CDH18: variants seen among roughly 807,000 people sequenced by gnomAD.
CDH18 encodes cadherin 18.
CDH18 carries 31 observed loss-of-function variants against 67.9 expected under a neutral mutation model. That is an observed-to-expected ratio of 0.46 (90% confidence interval 0.34 to 0.62). The LOEUF (loss-of-function observed/expected upper bound fraction) is 0.62, where lower values mean the gene tolerates loss of function less well. CDH18 is among the 20% of genes least tolerant of loss of function. The pLI, the probability that CDH18 is intolerant of heterozygous loss-of-function variation, is 0.01. For synonymous variants in CDH18, 362 were observed against 347.2 expected (o/e 1.04, Z -0.48); for missense variants, 890 against 975.5 (o/e 0.91, Z 1.17).
At chr5:20,095,486 AGAGG>A (rs199942459) in intron 2 of CDH18, among the ~76,000 whole-genome samples, 47,601 of 110,214 alleles carry the variant, frequency 0.43, 11,273 homozygotes, top group Middle Eastern at 0.68. Context: ...AAGGAGAGAG[AGAGG>A]GAGGGAGGGA....
At chr5:19,622,112 A>G (rs1263682030) in intron 5 of CDH18, among the ~76,000 whole-genome samples, 1 of 152,218 alleles carries the variant, frequency 6.6e-6, no homozygotes, top group Admixed American at 6.5e-5. Context: ...AGACTTTGAA[A>G]GGATGTCTGT....
At chr5:19,938,438 C>T (rs1219315879) in intron 2 of CDH18, among the ~76,000 whole-genome samples, 2 of 151,406 alleles carry the variant, frequency 1.3e-5, no homozygotes, top group East Asian at 1.9e-4. Flanking sequence ...GACACCTTCT[C>T]ATAAAATGCA....
At chr5:19,793,448 G>A (rs1413681627) in intron 3 of CDH18, among the ~76,000 whole-genome samples, 1 of 152,044 alleles carries the variant, frequency 6.6e-6, no homozygotes, top group African/African-American at 2.4e-5. Flanking sequence ...CCAGAGCTAA[G>A]GTGATCATAA....
intron 2 of CDH18, among the ~76,000 whole-genome samples, chr5:19,924,429 G>A (rs1279744401): frequency 1.3e-5 from 2 of 152,096 alleles, no homozygotes; most frequent in East Asian, 1.9e-4. Flanking sequence ...CTGAGGTCAG[G>A]AGATCAAGAT....
intron 1 of CDH18, among the ~76,000 whole-genome samples, chr5:20,319,108 T>C (rs976616786): frequency 6.6e-6 from 1 of 152,192 alleles, no homozygotes; most frequent in Admixed American, 6.5e-5. Flanking sequence ...GCTATCATTT[T>C]CTGACTTCTA....
chr5:19,819,930 T>C (rs941484240), intron 3 of CDH18, among the ~76,000 whole-genome samples: 13 of 152,154 alleles, frequency 8.5e-5, no homozygotes, highest in African/African-American at 2.4e-4. Flanking sequence ...ACAGCCTCCA[T>C]TGCCCCAGCT....
chr5:20,342,437 C>T (rs994957786), intron 1 of CDH18, among the ~76,000 whole-genome samples: 3 of 152,118 alleles, frequency 2.0e-5, no homozygotes, highest in African/African-American at 4.8e-5. Context: ...GAGGCAGCTG[C>T]CAGGCAAGTT....
chr5:19,590,413 TAGA>T (rs1407748186), intron 7 of CDH18, among the ~76,000 whole-genome samples: 8 of 151,982 alleles, frequency 5.3e-5, no homozygotes, highest in Admixed American at 1.3e-4. Flanking sequence ...TTATAATTAC[TAGA>T]AGAAGAATTA....
intron 2 of CDH18, among the ~76,000 whole-genome samples, chr5:20,185,321 T>C (rs1223585110): frequency 6.6e-6 from 1 of 152,056 alleles, no homozygotes; most frequent in Non-Finnish European, 1.5e-5. Flanking sequence ...GATCAATCTG[T>C]ATGCAGCCTT....
chr5:19,782,473 G>T (rs1053149821), intron 3 of CDH18, among the ~76,000 whole-genome samples: 1 of 152,054 alleles, frequency 6.6e-6, no homozygotes, highest in Non-Finnish European at 1.5e-5. Flanking sequence ...TAAGGCAAAA[G>T]GGATTTTCCT....
At chr5:19,932,627 T>C (rs999677502) in intron 2 of CDH18, among the ~76,000 whole-genome samples, 7 of 151,778 alleles carry the variant, frequency 4.6e-5, no homozygotes, top group Non-Finnish European at 1.0e-4. Flanking sequence ...ATCTTTGCAG[T>C]TCATTCACTT....
intron 2 of CDH18, among the ~76,000 whole-genome samples, chr5:19,896,417 C>A (rs1425773432): frequency 6.6e-6 from 1 of 151,846 alleles, no homozygotes; most frequent in Non-Finnish European, 1.5e-5. Flanking sequence ...ACCTAAATAC[C>A]ATCATAAACC....
intron 5 of CDH18, among the ~76,000 whole-genome samples, chr5:19,718,457 T>G (rs948828339): frequency 6.6e-6 from 1 of 152,024 alleles, no homozygotes; most frequent in African/African-American, 2.4e-5. Context: ...TTGTATTTTA[T>G]TCCATTCACT....
intron 2 of CDH18, among the ~76,000 whole-genome samples, chr5:20,063,798 C>T (rs963295808): frequency 5.3e-5 from 8 of 152,192 alleles, no homozygotes; most frequent in Admixed American, 2.0e-4. Context: ...CAACCTTATA[C>T]TTTTCACTGT....
At chr5:20,215,206 A>T (rs2126410266) in intron 2 of CDH18, among the ~76,000 whole-genome samples, 1 of 151,948 alleles carries the variant, frequency 6.6e-6, no homozygotes, top group African/African-American at 2.4e-5. Context: ...AGCCAATGTA[A>T]GCAGTTCCTA....
At chr5:20,399,455 T>C (rs1417859527) in intron 1 of CDH18, among the ~76,000 whole-genome samples, 1 of 152,140 alleles carries the variant, frequency 6.6e-6, no homozygotes, top group East Asian at 1.9e-4. Context: ...TGTGAATGAA[T>C]TCATGCAGAC....
chr5:20,035,616 A>T (rs985992450), intron 2 of CDH18, among the ~76,000 whole-genome samples: 1 of 151,960 alleles, frequency 6.6e-6, no homozygotes, highest in Non-Finnish European at 1.5e-5. Flanking sequence ...TATCATGAGA[A>T]CAGCATGGGA....
intron 2 of CDH18, among the ~76,000 whole-genome samples, chr5:19,877,439 T>C (rs948963364): frequency 6.6e-6 from 1 of 152,074 alleles, no homozygotes. Context: ...AATACGAGGA[T>C]AGTCATAAAG....
At chr5:20,100,897 TGGG>T (rs1746405979) in intron 2 of CDH18, among the ~76,000 whole-genome samples, 2 of 152,152 alleles carry the variant, frequency 1.3e-5, no homozygotes, top group Admixed American at 6.5e-5. Flanking sequence ...TATCTCTCAT[TGGG>T]AGAATACATG....
Sources: allele counts gnomAD v4.1 joint callset (sites outside exome capture counted in the v4.1 genomes callset), GRCh38; gene constraint gnomAD v4.1.1; transcripts MANE v1.5; gene names NCBI Gene and HGNC (gene_info 2026-07-23, HGNC 2026-07-21).